FRYL: variants seen among roughly 807,000 people sequenced by gnomAD.
FRYL encodes the protein FRY like transcription coactivator.
In FRYL, 150 loss-of-function variants were observed where a neutral mutation model predicts 351.2. That is an observed-to-expected ratio of 0.43 (90% CI 0.37 to 0.49). The LOEUF (loss-of-function observed/expected upper bound fraction) is 0.49, where lower values mean the gene tolerates loss of function less well. FRYL is among the 20% of genes least tolerant of loss of function. The probability of loss-of-function intolerance (pLI) is 0.00; values close to 1 mark genes in which losing one functional copy is unlikely to be tolerated. For missense variants in FRYL, 3,036 were observed against 3,619.3 expected, an observed-to-expected ratio of 0.84 and a Z score of 4.13; for synonymous variants, 1,153 against 1,257.1, an observed-to-expected ratio of 0.92 and a Z score of 1.75.
intron 25 of FRYL, among the ~76,000 whole-genome samples, chr4:48,574,130 T>A (rs1739002151): frequency 6.6e-6 from 1 of 152,156 alleles, no homozygotes; most frequent in African/African-American, 2.4e-5. Context: ...TTTCTCTTTA[T>A]TTATATTTTG....
chr4:48,503,792 G>A (rs1341653966), intron 60 of FRYL, among the ~76,000 whole-genome samples: 1 of 152,164 alleles, frequency 6.6e-6, no homozygotes. Flanking sequence ...TTATGTGGAT[G>A]CTCATCCAAT....
rs1470031187 is a variant in FRYL at position 48,540,874 on chromosome 4, A to C, written c.5774T>G (p.Ile1925Ser). 1.2e-6 allele frequency: 2 copies of C among 1,613,874 alleles called. No individual in the cohort carries two copies. Among genetic ancestry groups the C allele is most frequent in the South Asian group, 2.2e-5 (2 of 91,072 alleles). ...TGQLNLSTSP[I>S]NSSSYLGYNS... is the part of the protein sequence containing the mutation. Reference sequence around the variant, plus strand: ...ATATCCCAAATAACTGCTACTATTAATGGGACTTGTGCTTAGATTGAGTTG... The same window carrying C: ...ATATCCCAAATAACTGCTACTATTACTGGGACTTGTGCTTAGATTGAGTTG... Residue 1925 changes from isoleucine (I) to serine (S), a missense_variant, in exon 46 of 64, where the codon ATT becomes AGT. This residue lies in a region of FRYL where 1,987 missense variants were observed against 2,311.7 expected (regional missense o/e 0.86). Coordinates refer to ENST00000358350, the MANE Select transcript of FRYL (RefSeq NM_015030.2).
intron 7 of FRYL, among the ~76,000 whole-genome samples, chr4:48,610,726 T>TTATATACATATATATTATATACA: frequency 7.4e-6 from 1 of 134,418 alleles, no homozygotes; most frequent in East Asian, 3.3e-4. Context: ...TATACATATA[T>TTATATACATATATATTATATACA]TATATACATG....
At chr4:48,763,512 C>T (rs145715721) in intron 1 of FRYL, among the ~76,000 whole-genome samples, 2 of 152,084 alleles carry the variant, frequency 1.3e-5, no homozygotes, top group African/African-American at 2.4e-5. Context: ...GTTCCTAATA[C>T]TTAATCATTC....
rs1211300556 is a variant in FRYL, at chr4:48,780,238, C to T, written c.-544G>A. On this transcript the variant is annotated 5_prime_UTR_variant, in exon 1 of 64. Coordinates refer to ENST00000358350, the MANE Select transcript of FRYL (RefSeq NM_015030.2). ...ACCTCCCTCCGACTCTGATTTTAAC[C>T]GGATTTCTCTCTCGCTCTCTCCCAG... 6.5e-6 allele frequency: 1 copy of T among 152,692 alleles called. No homozygotes were observed. Among genetic ancestry groups the T allele is most frequent in the East Asian group, 1.9e-4 (1 of 5,160 alleles). 9.5% of individuals were successfully genotyped at this position (152,692 alleles called of 1,614,324 possible).
At chr4:48,626,064 T>C (rs1220416040) in intron 4 of FRYL, among the ~76,000 whole-genome samples, 2 of 152,112 alleles carry the variant, frequency 1.3e-5, no homozygotes, top group Admixed American at 1.3e-4. Flanking sequence ...TAGTACTTGG[T>C]GGTATCCAGC....
At chr4:48,712,950 C>T (rs1317738363) in intron 1 of FRYL, among the ~76,000 whole-genome samples, 2 of 152,100 alleles carry the variant, frequency 1.3e-5, no homozygotes, top group African/African-American at 4.8e-5. Context: ...AAAGAATTTT[C>T]AACCCAGAAT....
At position 48,515,274 on chromosome 4, in the gene FRYL, T is replaced by G; in HGVS notation, c.7691A>C (p.Asp2564Ala). 1 of 1,599,556 alleles carries G rather than the reference T, an allele frequency of 6.3e-7. No homozygotes were observed. Among genetic ancestry groups the G allele is most frequent in the South Asian group, 1.1e-5 (1 of 89,898 alleles). Residue 2564 changes from aspartate to alanine, a missense_variant and splice_region_variant, in exon 56 of 64, where the codon GAT becomes GCT. This residue lies in a region of FRYL where 1,987 missense variants were observed against 2,311.7 expected (regional missense o/e 0.86). Coordinates refer to ENST00000358350, the MANE Select transcript of FRYL (RefSeq NM_015030.2). ...LDNANSRLPEDTTSVLKEEHV... is the reference protein window; with the variant it reads ...LDNANSRLPEATTSVLKEEHV... The stretch of plus-strand genomic sequence containing the variant: ...TTCCTCCTTTAATACTGAAGTTGTA[T>G]CCTACAAAACAATCATAGTTTTAGT...
intron 2 of FRYL, among the ~76,000 whole-genome samples, chr4:48,699,444 A>G (rs1766514368): frequency 6.6e-6 from 1 of 152,238 alleles, no homozygotes; most frequent in African/African-American, 2.4e-5. Flanking sequence ...TGAAGACTAA[A>G]TTCAATCCTC....
At chr4:48,686,263 T>G (rs1017546052) in intron 2 of FRYL, among the ~76,000 whole-genome samples, 11 of 152,168 alleles carry the variant, frequency 7.2e-5, no homozygotes, top group African/African-American at 2.7e-4. Flanking sequence ...TAATATTTCA[T>G]TTACTCACAG....
rs1418469090 is a variant in FRYL, at chr4:48,780,084, C to G, written c.-390G>C. On this transcript the variant is annotated 5_prime_UTR_variant, in exon 1 of 64. Coordinates refer to ENST00000358350, the MANE Select transcript of FRYL (RefSeq NM_015030.2). The stretch of plus-strand genomic sequence containing the variant: ...TTCCCCAGTCAACACCTACCCGTTC[C>G]CAGTCCTAGTACAGCTGCCTCGCTC... 1.3e-5 allele frequency: 2 copies of G among 152,778 alleles called. No homozygotes were observed. Among genetic ancestry groups the G allele is most frequent in the East Asian group, 3.9e-4 (2 of 5,170 alleles). 9.5% of individuals were successfully genotyped at this position (152,778 alleles called of 1,614,324 possible). A position where few individuals can be genotyped will look rare whatever the true frequency, so the allele number is the denominator to read the frequency against.
Position 48,567,283 on chromosome 4 carries a change from C to A in FRYL, c.3134G>T (p.Ser1045Ile). 1 of 1,611,626 alleles carries A rather than the reference C, an allele frequency of 6.2e-7. No homozygotes were observed. Among genetic ancestry groups the A allele is most frequent in the Non-Finnish European group, 8.5e-7 (1 of 1,179,298 alleles). Residue 1045 changes from serine to isoleucine, a missense_variant, in exon 28 of 64, where the codon AGT (serine) becomes ATT (isoleucine). By Grantham distance (142) the Ser-to-Ile change is moderately radical. Transcript: ENST00000358350. The surrounding 1 kb of genome is among the most constrained non-coding windows in gnomAD (Gnocchi z 4.2). ...CTGAATAATATTCGCCACTAAGGCA[C>A]TAAAATGGCATCGTATATCCTTCAG... ...DTLKDIRCHF[S>I]ALVANIIQNV...
chr4:48,554,007 G>C (rs1417640878), intron 35 of FRYL, among the ~76,000 whole-genome samples: 3 of 152,140 alleles, frequency 2.0e-5, no homozygotes, highest in African/African-American at 7.2e-5. Context: ...AATGAGTTAA[G>C]GTTTATAATG....
intron 1 of FRYL, among the ~76,000 whole-genome samples, chr4:48,723,550 G>A (rs1297538504): frequency 1.3e-5 from 2 of 152,084 alleles, no homozygotes; most frequent in Non-Finnish European, 2.9e-5. Context: ...CAAAAACCTA[G>A]CAGTCACATG....
chr4:48,772,989 C>A (rs905163713), intron 1 of FRYL, among the ~76,000 whole-genome samples: 2 of 152,098 alleles, frequency 1.3e-5, no homozygotes, highest in Admixed American at 1.3e-4. Flanking sequence ...CTGGAAAGAT[C>A]AAGGAAGCAC....
chr4:48,665,150 A>T (rs1257519388), intron 3 of FRYL, among the ~76,000 whole-genome samples: 1 of 152,228 alleles, frequency 6.6e-6, no homozygotes, highest in Non-Finnish European at 1.5e-5. Flanking sequence ...TGTGTAAGCC[A>T]TAAGGTACAA....
chr4:48,662,232 A>G (rs1760876860), intron 3 of FRYL, among the ~76,000 whole-genome samples: 1 of 152,134 alleles, frequency 6.6e-6, no homozygotes, highest in East Asian at 1.9e-4. Context: ...CTTGAAGCCA[A>G]GAGTTCACGG....
At chr4:48,653,103 T>C (rs552970212) in intron 3 of FRYL, among the ~76,000 whole-genome samples, 2 of 152,314 alleles carry the variant, frequency 1.3e-5, no homozygotes, top group South Asian at 2.1e-4. Context: ...CAAATTCATA[T>C]GTTAGGAAGA....
At chr4:48,629,011 T>G (rs1578421049) in intron 4 of FRYL, among the ~76,000 whole-genome samples, 1 of 149,412 alleles carries the variant, frequency 6.7e-6, no homozygotes, top group African/African-American at 2.4e-5. Flanking sequence ...AAAGTTATAG[T>G]AATATTATAA....
Sources: allele counts gnomAD v4.1 joint callset (sites outside exome capture counted in the v4.1 genomes callset), GRCh38; gene constraint gnomAD v4.1.1; regional missense constraint gnomAD v4.1.1; non-coding constraint Gnocchi (gnomAD v3.1); transcripts MANE v1.5; gene names NCBI Gene and HGNC (gene_info 2026-07-23, HGNC 2026-07-21).